Variants in NRG3 observed in about 807,000 individuals in gnomAD.
NRG3 encodes pro-neuregulin-3, membrane-bound isoform.
In NRG3, 31 loss-of-function variants were observed where a neutral mutation model predicts 66.9. The observed-to-expected ratio is 0.46, with a 90% CI of 0.35 to 0.63. The LOEUF is 0.63. NRG3 is among the 20% of genes least tolerant of loss of function. The pLI, the probability that NRG3 is intolerant of heterozygous loss-of-function variation, is 0.00. For missense variants in NRG3, 910 were observed against 878.9 expected (o/e 1.04, Z -0.45); for synonymous variants, 393 against 359.4 (o/e 1.09, Z -1.06).
At chr10:82,894,279 A>G (rs1288350853) in intron 4 of NRG3, among the ~76,000 whole-genome samples, 1 of 152,208 alleles carries the variant, frequency 6.6e-6, no homozygotes, top group Non-Finnish European at 1.5e-5. Flanking sequence ...TCACCACATT[A>G]AATAATAAAG....
At chr10:82,644,126 G>A (rs1486318096) in intron 2 of NRG3, among the ~76,000 whole-genome samples, 2 of 152,060 alleles carry the variant, frequency 1.3e-5, no homozygotes, top group Non-Finnish European at 2.9e-5. Flanking sequence ...TAACAGAAGA[G>A]CTTTTCTTGA....
intron 3 of NRG3, among the ~76,000 whole-genome samples, chr10:82,829,270 A>C (rs168199): frequency 0.5 from 76,171 of 151,914 alleles, 19,178 homozygotes; most frequent in South Asian, 0.55. Context: ...GGAGCTCTGC[A>C]TTTCTGGATA....
chr10:82,378,068 G>T (rs2085369293), intron 2 of NRG3, among the ~76,000 whole-genome samples: 1 of 152,288 alleles, frequency 6.6e-6, no homozygotes, highest in Middle Eastern at 3.4e-3. Flanking sequence ...GGAGGTTTTA[G>T]AACTCTCTTA....
chr10:81,957,549 C>A (rs1849960761), intron 1 of NRG3, among the ~76,000 whole-genome samples: 2 of 152,160 alleles, frequency 1.3e-5, no homozygotes, highest in Non-Finnish European at 2.9e-5. Context: ...TATTTTACTT[C>A]CGTTTCTAGT....
At chr10:82,194,526 A>T (rs2074345200) in intron 1 of NRG3, among the ~76,000 whole-genome samples, 1 of 152,112 alleles carries the variant, frequency 6.6e-6, no homozygotes. Context: ...GCGAGAGTGT[A>T]GGCATGGATT....
intron 2 of NRG3, among the ~76,000 whole-genome samples, chr10:82,690,982 CCTT>C (rs1179885874): frequency 2.0e-5 from 3 of 152,118 alleles, no homozygotes; most frequent in Non-Finnish European, 2.9e-5. Context: ...TCCTCTTTCT[CCTT>C]CTTCTCCTCC....
intron 3 of NRG3, among the ~76,000 whole-genome samples, chr10:82,858,168 A>C (rs1283705800): frequency 6.6e-6 from 1 of 151,976 alleles, no homozygotes; most frequent in Non-Finnish European, 1.5e-5. Context: ...CCTTTGTTGA[A>C]CCCTATTCCG....
At chr10:82,376,673 A>G (rs2085261806) in intron 2 of NRG3, among the ~76,000 whole-genome samples, 1 of 152,158 alleles carries the variant, frequency 6.6e-6, no homozygotes, top group African/African-American at 2.4e-5. Context: ...CCATGGCTAC[A>G]TGGGTCTCCA....
intron 2 of NRG3, among the ~76,000 whole-genome samples, chr10:82,644,300 A>G (rs1292615761): frequency 6.6e-6 from 1 of 152,108 alleles, no homozygotes; most frequent in Non-Finnish European, 1.5e-5. Flanking sequence ...CTCTATCTGC[A>G]TAGGTGATGA....
chr10:82,316,477 C>A (rs1465451946), intron 1 of NRG3, among the ~76,000 whole-genome samples: 1 of 152,106 alleles, frequency 6.6e-6, no homozygotes, highest in Admixed American at 6.5e-5. Context: ...AATTCAGTAG[C>A]TGCTGCTTTT....
At chr10:82,762,585 G>A (rs1056671140) in intron 3 of NRG3, among the ~76,000 whole-genome samples, 12 of 152,052 alleles carry the variant, frequency 7.9e-5, no homozygotes, top group East Asian at 5.8e-4. Context: ...CAGTTCTTCC[G>A]TATACATATA....
chr10:81,924,624 G>A (rs1183926401), intron 1 of NRG3, among the ~76,000 whole-genome samples: 1 of 152,220 alleles, frequency 6.6e-6, no homozygotes, highest in East Asian at 1.9e-4. Context: ...AACATGTGAG[G>A]TAGGGAATGT....
At chr10:82,157,074 A>G (rs1178764968) in intron 1 of NRG3, among the ~76,000 whole-genome samples, 7 of 151,716 alleles carry the variant, frequency 4.6e-5, no homozygotes, top group Admixed American at 4.6e-4. Flanking sequence ...GATTTGCTTC[A>G]GGGAACATTG....
intron 5 of NRG3, among the ~76,000 whole-genome samples, chr10:82,953,207 C>T (rs1481368709): frequency 6.6e-6 from 1 of 151,946 alleles, no homozygotes; most frequent in African/African-American, 2.4e-5. Context: ...GCACACTGGG[C>T]TTCTTATGTG....
intron 1 of NRG3, among the ~76,000 whole-genome samples, chr10:81,931,077 G>A (rs1000660316): frequency 2.6e-5 from 4 of 152,130 alleles, no homozygotes; most frequent in South Asian, 2.1e-4. Context: ...TTCACCAAGC[G>A]GGAAGTTTCA....
intron 2 of NRG3, among the ~76,000 whole-genome samples, chr10:82,515,790 G>T (rs999967662): frequency 6.6e-6 from 1 of 152,124 alleles, no homozygotes; most frequent in Non-Finnish European, 1.5e-5. Context: ...TCCACACAGG[G>T]CTTCTTCTGG....
At chr10:82,568,337 G>T (rs1044801719) in intron 2 of NRG3, among the ~76,000 whole-genome samples, 10 of 151,880 alleles carry the variant, frequency 6.6e-5, no homozygotes, top group Non-Finnish European at 1.3e-4. Context: ...CTTTAGTTTA[G>T]TTAACTCTGT....
chr10:82,015,523 A>G (rs1428995781), intron 1 of NRG3, among the ~76,000 whole-genome samples: 5 of 152,086 alleles, frequency 3.3e-5, no homozygotes, highest in Non-Finnish European at 5.9e-5. Flanking sequence ...TGGTTGAATC[A>G]TGGGGGTGGT....
chr10:81,970,439 T>G (rs555410650), intron 1 of NRG3, among the ~76,000 whole-genome samples: 83 of 152,330 alleles, frequency 5.4e-4, no homozygotes, highest in Non-Finnish European at 9.3e-4. Context: ...TTCTTAACTT[T>G]AGCAGTTTTT....
Sources: gnomAD v4.1 joint callset for allele counts (sites outside exome capture counted in the v4.1 genomes callset) on GRCh38, gnomAD v4.1.1 for gene constraint, MANE v1.5 for transcripts, NCBI Gene and HGNC (gene_info 2026-07-23, HGNC 2026-07-21) for gene names.